Variants in SEMA3A observed in about 807,000 individuals in gnomAD.
The protein encoded by SEMA3A is semaphorin-3A.
A neutral mutation model predicts 97.9 loss-of-function variants in SEMA3A; 29 were observed. That is an observed-to-expected ratio of 0.30 (90% confidence interval 0.22 to 0.40). The LOEUF (loss-of-function observed/expected upper bound fraction) is 0.40, where lower values mean the gene tolerates loss of function less well. Among genes scored for constraint, SEMA3A ranks in the 10% least tolerant of loss-of-function variants. SEMA3A has a pLI of 1.00. For synonymous variants in SEMA3A, 321 were observed against 323.7 expected, an observed-to-expected ratio of 0.99 and a Z score of 0.09; for missense variants, 763 against 951.3, an observed-to-expected ratio of 0.80 and a Z score of 2.60.
At chr7:84,230,973 T>C (rs1454048307) in intron 3 of SEMA3A, among the ~76,000 whole-genome samples, 4 of 151,940 alleles carry the variant, frequency 2.6e-5, no homozygotes, top group African/African-American at 9.7e-5. Flanking sequence ...ATCTTAAGAG[T>C]ATCACAGTAA....
chr7:84,134,715 G>T, intron 2 of SEMA3A, 79 bp downstream of exon 2: 1 of 1,111,164 alleles, frequency 9.0e-7, no homozygotes, highest in Non-Finnish European at 1.2e-6. Context: ...CAGTAATCAT[G>T]CTTTTAAATA....
At chr7:84,172,619 G>T (rs1797425284) in intron 1 of SEMA3A, among the ~76,000 whole-genome samples, 2 of 152,020 alleles carry the variant, frequency 1.3e-5, no homozygotes, top group African/African-American at 4.8e-5. Flanking sequence ...GTAGAGACGG[G>T]GTTTCACTCT....
At chr7:84,487,904 C>G (rs894426811) in intron 1 of SEMA3A, among the ~76,000 whole-genome samples, 1 of 151,938 alleles carries the variant, frequency 6.6e-6, no homozygotes. Context: ...ACATTTCTAC[C>G]TACTCTTTTG....
chr7:84,087,846 T>G (rs1794429190), intron 4 of SEMA3A, among the ~76,000 whole-genome samples: 1 of 152,154 alleles, frequency 6.6e-6, no homozygotes, highest in East Asian at 1.9e-4. Flanking sequence ...ATTGTTGGCC[T>G]TCCTCTATGT....
chr7:84,119,169 T>TA (rs1344439076), intron 3 of SEMA3A, among the ~76,000 whole-genome samples: 1 of 152,134 alleles, frequency 6.6e-6, no homozygotes, highest in African/African-American at 2.4e-5. Flanking sequence ...AGCACAATAC[T>TA]AAAAAAACTA....
At chr7:84,234,179 G>A (rs1185459230) in intron 3 of SEMA3A, among the ~76,000 whole-genome samples, 1 of 152,016 alleles carries the variant, frequency 6.6e-6, no homozygotes, top group East Asian at 1.9e-4. Flanking sequence ...CTTCTAAACT[G>A]GAATTGCTTC....
chr7:84,122,790 A>T (rs1159334204), intron 3 of SEMA3A, among the ~76,000 whole-genome samples: 1 of 152,190 alleles, frequency 6.6e-6, no homozygotes, highest in Non-Finnish European at 1.5e-5. Flanking sequence ...AATTAGTGCT[A>T]TTGAGGTCCT....
At chr7:84,350,771 T>A (rs1207718255) in intron 2 of SEMA3A, among the ~76,000 whole-genome samples, 1 of 152,194 alleles carries the variant, frequency 6.6e-6, no homozygotes, top group Non-Finnish European at 1.5e-5. Context: ...CCTTAAATTC[T>A]ATATGGTTGC....
chr7:84,309,912 A>T (rs1307957377), intron 2 of SEMA3A, among the ~76,000 whole-genome samples: 1 of 152,196 alleles, frequency 6.6e-6, no homozygotes, highest in Non-Finnish European at 1.5e-5. Context: ...AAATATGAAG[A>T]TGTAAAATAA....
At chr7:83,973,789 TAGAA>T (rs1789014095) in intron 15 of SEMA3A, among the ~76,000 whole-genome samples, 1 of 152,042 alleles carries the variant, frequency 6.6e-6, no homozygotes, top group South Asian at 2.1e-4. Flanking sequence ...GCAAAACTAT[TAGAA>T]AGTGAAATTC....
At chr7:84,308,801 G>A (rs1213991452) in intron 2 of SEMA3A, among the ~76,000 whole-genome samples, 2 of 148,104 alleles carry the variant, frequency 1.4e-5, no homozygotes, top group Admixed American at 1.4e-4. Flanking sequence ...AGTGGAGTAT[G>A]AGAGAAATAT....
chr7:84,291,602 A>G (rs776596633), intron 3 of SEMA3A, among the ~76,000 whole-genome samples: 1 of 152,098 alleles, frequency 6.6e-6, no homozygotes, highest in African/African-American at 2.4e-5. Context: ...TTGTGTTACC[A>G]TGTTCTTTCA....
upstream of SEMA3A, among the ~76,000 whole-genome samples, chr7:84,197,073 CAT>C (rs1798248854): frequency 6.6e-6 from 1 of 151,992 alleles, no homozygotes; most frequent in South Asian, 2.1e-4. Context: ...GGAAGAAAAA[CAT>C]AAAATCTGGA....
chr7:84,015,864 C>T (rs1415997381), intron 6 of SEMA3A, among the ~76,000 whole-genome samples: 1 of 152,134 alleles, frequency 6.6e-6, no homozygotes, highest in Non-Finnish European at 1.5e-5. Flanking sequence ...CTGGAAATAA[C>T]ATGAAACATG....
chr7:84,366,502 T>C (rs887882749), intron 2 of SEMA3A, among the ~76,000 whole-genome samples: 4 of 151,466 alleles, frequency 2.6e-5, no homozygotes, highest in Admixed American at 6.6e-5. Context: ...CAATCTGCTA[T>C]AATCAAGTTT....
chr7:84,199,586 A>G (rs1381315965), upstream of SEMA3A, among the ~76,000 whole-genome samples: 1 of 151,884 alleles, frequency 6.6e-6, no homozygotes, highest in African/African-American at 2.4e-5. Context: ...TTCTTCAAGG[A>G]ACGCTTCATT....
chr7:84,046,325 A>G lies in SEMA3A; in HGVS notation c.666T>C (p.Asn222=), dbSNP rs769031602. 3 of 1,612,584 alleles carry G rather than the reference A, an allele frequency of 1.9e-6. No individual in the cohort carries two copies. Among genetic ancestry groups the G allele is most frequent in the East Asian group, 4.5e-5 (2 of 44,866 alleles). Residue 222 remains asparagine, a splice_region_variant and synonymous_variant, in exon 6 of 17, where the codon AAT becomes AAC. Transcript: ENST00000265362. ...RTEQHDSRWL[N]DPKFISAHLI... ...TATGTTCTTTCATAAACCACCTACC[A>G]TTGAGCCACCTGGAATCATGCTGCT...
chr7:84,164,283 C>T (rs569773101), intron 1 of SEMA3A, among the ~76,000 whole-genome samples: 2 of 152,098 alleles, frequency 1.3e-5, no homozygotes, highest in South Asian at 4.2e-4. Context: ...CGTGACTTAT[C>T]CTAAATTGTT....
At chr7:84,280,377 C>T (rs1800413173) in intron 3 of SEMA3A, among the ~76,000 whole-genome samples, 1 of 152,086 alleles carries the variant, frequency 6.6e-6, no homozygotes, top group Non-Finnish European at 1.5e-5. Flanking sequence ...ACCACTGTAC[C>T]ACGGCAATTT....
Sources: gnomAD v4.1 joint callset for allele counts (sites outside exome capture counted in the v4.1 genomes callset) on GRCh38, gnomAD v4.1.1 for gene constraint, MANE v1.5 for transcripts, NCBI Gene and HGNC (gene_info 2026-07-23, HGNC 2026-07-21) for gene names.